GLIS3: variants seen among roughly 807,000 people sequenced by gnomAD.
The protein encoded by GLIS3 is zinc finger protein GLIS3.
Under a neutral mutation model 78.6 loss-of-function variants are expected in GLIS3, and 53 were observed. That is an observed-to-expected ratio of 0.67 (90% CI 0.54 to 0.85). GLIS3 has a LOEUF of 0.85. Among genes scored for constraint, GLIS3 ranks in the 40% least tolerant of loss-of-function variants. The pLI is 0.00. For synonymous variants in GLIS3, 684 were observed against 509.9 expected, an observed-to-expected ratio of 1.34 and a Z score of -4.60; for missense variants, 1,703 against 1,231.1, an observed-to-expected ratio of 1.38 and a Z score of -5.74.
intron 2 of GLIS3, among the ~76,000 whole-genome samples, chr9:4,229,378 G>T (rs1426092241): frequency 6.6e-6 from 1 of 152,198 alleles, no homozygotes; most frequent in African/African-American, 2.4e-5. Flanking sequence ...CATAAAGAAA[G>T]AATTGCAAGT....
chr9:4,480,196 C>CT, the GLIS3 span, among the ~76,000 whole-genome samples: 4 of 133,368 alleles, frequency 3.0e-5, no homozygotes, highest in African/African-American at 9.0e-5. Flanking sequence ...CCAGGCTGGG[C>CT]TTTCTTTTTT....
At chr9:4,285,921 C>T in intron 2 of GLIS3, 117 bp downstream of exon 2, 1 of 1,256,366 alleles carries the variant, frequency 8.0e-7, no homozygotes. Context: ...ATGAGACCAT[C>T]ATCTTTGACC....
At chr9:4,416,252 TAAAAAAAAAAAAAAA>T in the GLIS3 span, among the ~76,000 whole-genome samples, 1 of 75,804 alleles carries the variant, frequency 1.3e-5, no homozygotes, top group Admixed American at 1.8e-4. Context: ...ACACTGTTTT[TAAAAAAAAAAAAAAA>T]AAAAAAAAAA....
upstream of GLIS3, among the ~76,000 whole-genome samples, chr9:4,302,087 C>G (rs1817098735): frequency 2.0e-5 from 3 of 151,860 alleles, no homozygotes; most frequent in African/African-American, 7.3e-5. Flanking sequence ...CCAGTACAAC[C>G]CTGGAATGAC....
the GLIS3 span, among the ~76,000 whole-genome samples, chr9:4,394,870 T>C: frequency 6.6e-6 from 1 of 152,230 alleles, no homozygotes; most frequent in African/African-American, 2.4e-5. Context: ...CTATTATGAA[T>C]ATCTTTATAC....
chr9:4,340,119 C>A (rs73641436), intron 2 of GLIS3, among the ~76,000 whole-genome samples: 2,761 of 151,822 alleles, frequency 0.018, 85 homozygotes, highest in African/African-American at 0.06. Flanking sequence ...CCCCTAGAAT[C>A]TCTGGATCTA....
At chr9:4,386,863 C>G in the GLIS3 span, among the ~76,000 whole-genome samples, 1 of 152,152 alleles carries the variant, frequency 6.6e-6, no homozygotes, top group Admixed American at 6.6e-5. Context: ...GATGTGATCC[C>G]CATACATTTT....
At chr9:4,456,859 T>C in the GLIS3 span, among the ~76,000 whole-genome samples, 7 of 152,234 alleles carry the variant, frequency 4.6e-5, no homozygotes, top group Non-Finnish European at 1.0e-4. Context: ...TATATGGGCA[T>C]GGTTCATGGT....
At chr9:3,872,385 A>C (rs1821025008) in intron 8 of GLIS3, among the ~76,000 whole-genome samples, 1 of 152,174 alleles carries the variant, frequency 6.6e-6, no homozygotes, top group Non-Finnish European at 1.5e-5. Context: ...TTACTTTATT[A>C]GTCTGTTTTC....
intron 2 of GLIS3, among the ~76,000 whole-genome samples, chr9:4,142,364 A>G (rs961104013): frequency 6.6e-6 from 1 of 152,240 alleles, no homozygotes; most frequent in Non-Finnish European, 1.5e-5. Flanking sequence ...AATAAACAAC[A>G]TAAGATTCTA....
At chr9:4,258,888 CAT>C (rs1332037317) in intron 2 of GLIS3, among the ~76,000 whole-genome samples, 1 of 152,198 alleles carries the variant, frequency 6.6e-6, no homozygotes, top group Non-Finnish European at 1.5e-5. Flanking sequence ...ACATTCCTAA[CAT>C]GTGGCAATAA....
At chr9:3,862,594 C>T (rs1820287664) in intron 8 of GLIS3, among the ~76,000 whole-genome samples, 1 of 152,124 alleles carries the variant, frequency 6.6e-6, no homozygotes, top group Non-Finnish European at 1.5e-5. Context: ...TCTTACTTTT[C>T]TTCATTTGTA....
intron 2 of GLIS3, among the ~76,000 whole-genome samples, chr9:4,339,909 G>C (rs1229792257): frequency 2.1e-5 from 3 of 142,388 alleles, no homozygotes; most frequent in Non-Finnish European, 3.1e-5. Flanking sequence ...AAAGAAAAGA[G>C]ACAGAAAGGT....
chr9:3,864,512 T>G (rs918291816), intron 8 of GLIS3, among the ~76,000 whole-genome samples: 8 of 152,174 alleles, frequency 5.3e-5, no homozygotes, highest in African/African-American at 1.4e-4. Context: ...GAACCAACTT[T>G]AAACGCAGTA....
chr9:3,888,506 T>C (rs919179439), intron 7 of GLIS3, among the ~76,000 whole-genome samples: 3 of 152,230 alleles, frequency 2.0e-5, no homozygotes, highest in Non-Finnish European at 4.4e-5. Flanking sequence ...CAATCAACTC[T>C]GAACTCTCTC....
At chr9:4,468,471 G>A in the GLIS3 span, among the ~76,000 whole-genome samples, 2 of 152,086 alleles carry the variant, frequency 1.3e-5, no homozygotes, top group Non-Finnish European at 2.9e-5. Context: ...AGAGAGTGGG[G>A]GCCAATATTC....
chr9:4,139,104 C>T (rs945356585), intron 2 of GLIS3, among the ~76,000 whole-genome samples: 3 of 152,154 alleles, frequency 2.0e-5, no homozygotes, highest in Non-Finnish European at 4.4e-5. Context: ...ATTAAGAAAA[C>T]AAGTAAGATG....
chr9:4,049,614 T>C (rs1031076624), intron 4 of GLIS3, among the ~76,000 whole-genome samples: 5 of 152,148 alleles, frequency 3.3e-5, no homozygotes, highest in African/African-American at 4.8e-5. Flanking sequence ...GGAATAAGCT[T>C]CCTGCATAAG....
chr9:4,204,528 G>A (rs1412600255), intron 2 of GLIS3, among the ~76,000 whole-genome samples: 2 of 152,108 alleles, frequency 1.3e-5, no homozygotes, highest in Middle Eastern at 3.2e-3. Context: ...AGCCCACCAA[G>A]GAACTAACGT....
Sources: allele counts gnomAD v4.1 joint callset (sites outside exome capture counted in the v4.1 genomes callset), GRCh38; gene constraint gnomAD v4.1.1; transcripts MANE v1.5; gene names NCBI Gene and HGNC (gene_info 2026-07-23, HGNC 2026-07-21).